The following RSPH9 variants were observed in gnomAD, a reference collection of about 807,000 sequenced individuals.
RSPH9 encodes radial spoke head protein 9 homolog.
Under a neutral mutation model 27.0 loss-of-function variants are expected in RSPH9, and 27 were observed. The observed-to-expected ratio is 1.00, with a 90% CI of 0.74 to 1.38. The LOEUF is 1.38. Ranked by LOEUF, RSPH9 falls within the 40% of genes most tolerant of loss-of-function variation. The pLI, the probability that RSPH9 is intolerant of heterozygous loss-of-function variation, is 0.00. For missense variants in RSPH9, 347 were observed against 357.4 expected, an observed-to-expected ratio of 0.97 and a Z score of 0.24; for synonymous variants, 145 against 147.7, an observed-to-expected ratio of 0.98 and a Z score of 0.13.
chr6:43,655,556 C>T lies in RSPH9; in HGVS notation c.394-6C>T. 5 of 1,614,142 alleles carry T rather than the reference C, an allele frequency of 3.1e-6. No individual in the cohort carries two copies. Among genetic ancestry groups the T allele is most frequent in the Non-Finnish European group, 4.2e-6 (5 of 1,180,022 alleles). On this transcript the variant is annotated splice_region_variant and splice_polypyrimidine_tract_variant and intron_variant, in intron 2 of 4. Transcript: ENST00000372163. ...TGGCAGGGGGGCTCCTCTCCTGTCT[C>T]CTCAGGTCCAGATCAAGGAAGAGAC...
rs111461969 is a variant in RSPH9, at chr6:43,645,591, T to TC, written c.227+271dup. ...AGGGCGGGGCAATGGACGGGCGATG[T>TC]CCCCCGGAGGGCGGGGCCTTGCGAG... On this transcript the variant is annotated intron_variant, in intron 1 of 4. Coordinates refer to ENST00000372163, the MANE Select transcript of RSPH9 (RefSeq NM_152732.5). Among the ~76,000 whole-genome samples, 8,769 of 151,894 alleles carry TC rather than the reference T, an allele frequency of 0.058. 389 individuals are homozygous for TC. The highest frequency in any genetic ancestry group is 0.12 in the African/African-American group (4,954 of 41,420).
chr6:43,671,738 G>T lies in RSPH9; in HGVS notation c.*789G>T. On this transcript the variant is annotated 3_prime_UTR_variant, in exon 5 of 5. Transcript: ENST00000372163. ...CTACTCCCCAGCACAGGTGCAGGAG[G>T]AACTCTGGAAGCACTGCTCTCTGTC... 1 of 1,614,000 alleles carries T rather than the reference G, an allele frequency of 6.2e-7. No individual in the cohort carries two copies. Among genetic ancestry groups the T allele is most frequent in the South Asian group, 1.1e-5 (1 of 91,062 alleles).
In RSPH9 at chr6:43,671,903, G is replaced by T. The variant is rs1211346883; in HGVS notation, c.*954G>T. The T allele has an allele frequency of 1.2e-6, 2 of 1,605,676 alleles. No individual in the cohort carries two copies. The highest frequency in any genetic ancestry group is 2.2e-5 in the South Asian group (2 of 89,840). ...CGGAGCCAGGAGCCCAGCGCGTCAG[G>T]TACCTGTGGAGGGAGAACAAAGAGG... On this transcript the variant is annotated 3_prime_UTR_variant, in exon 5 of 5. Coordinates refer to ENST00000372163, the MANE Select transcript of RSPH9 (RefSeq NM_152732.5).
At chr6:43,653,446 CAAAA>C (rs79873267) in intron 2 of RSPH9, among the ~76,000 whole-genome samples, 3 of 75,462 alleles carry the variant, frequency 4.0e-5, no homozygotes, top group African/African-American at 4.4e-5. Flanking sequence ...GACTCCGTCT[CAAAA>C]AAAAAAAAAA....
intron 4 of RSPH9, among the ~76,000 whole-genome samples, chr6:43,661,174 G>A (rs778112044): frequency 6.6e-6 from 1 of 152,146 alleles, no homozygotes; most frequent in Non-Finnish European, 1.5e-5. Flanking sequence ...TGTCATCCAG[G>A]GTTTGTTGTT....
intron 4 of RSPH9, among the ~76,000 whole-genome samples, chr6:43,656,973 G>A (rs546149961): frequency 6.6e-6 from 1 of 152,306 alleles, no homozygotes; most frequent in South Asian, 2.1e-4. Flanking sequence ...AATGTCTCTT[G>A]ATTTTTGTAG....
rs1344751790 is a variant in RSPH9, at chr6:43,654,697, C to G, written c.394-865C>G. On this transcript the variant is annotated intron_variant, in intron 2 of 4. Transcript: ENST00000372163. ...AATTAGCTGGGTGCAGTGATGCACG[C>G]CTGTAGTCCCAGCTACTCAGGAGGC... Among the ~76,000 whole-genome samples, 4 of 152,282 alleles carry G rather than the reference C, an allele frequency of 2.6e-5. No homozygotes were observed. The East Asian group carries it at 7.7e-4, about 29-fold the overall frequency.
At chr6:43,661,295 C>G (rs1772583330) in intron 4 of RSPH9, among the ~76,000 whole-genome samples, 1 of 152,152 alleles carries the variant, frequency 6.6e-6, no homozygotes, top group Non-Finnish European at 1.5e-5. Flanking sequence ...GCTGTATGAG[C>G]CCCTAACAAG....
chr6:43,667,614 G>C (rs904030880), intron 4 of RSPH9, among the ~76,000 whole-genome samples: 1 of 152,202 alleles, frequency 6.6e-6, no homozygotes. Context: ...CAAGTGTTCA[G>C]CCTTCTGGGC....
intron 4 of RSPH9, among the ~76,000 whole-genome samples, chr6:43,657,633 G>C (rs898549530): frequency 3.9e-5 from 6 of 152,200 alleles, no homozygotes; most frequent in African/African-American, 1.2e-4. Context: ...AGCAGCAAGC[G>C]ACCCAACTGG....
At chr6:43,650,801 G>A (rs1310536842) in intron 2 of RSPH9, among the ~76,000 whole-genome samples, 1 of 151,812 alleles carries the variant, frequency 6.6e-6, no homozygotes, top group Admixed American at 6.6e-5. Flanking sequence ...AGCTACTCGG[G>A]AGGCTGAGGC....
At position 43,671,827 on chromosome 6, in the gene RSPH9, C is replaced by A. The variant is rs368981865; in HGVS notation, c.*878C>A. The A allele has an allele frequency of 6.2e-7, 1 of 1,614,060 alleles. No individual in the cohort carries two copies. Among genetic ancestry groups the A allele is most frequent in the Non-Finnish European group, 8.5e-7 (1 of 1,180,034 alleles). On this transcript the variant is annotated 3_prime_UTR_variant, in exon 5 of 5. Coordinates refer to ENST00000372163, the MANE Select transcript of RSPH9 (RefSeq NM_152732.5). ...TTGTCCCTCAGAAGGGGTGACCCCA[C>A]GGGCATGCGCACCCTGTTCCAGCGG...
At chr6:43,667,437 C>T (rs1444390999) in intron 4 of RSPH9, among the ~76,000 whole-genome samples, 1 of 152,250 alleles carries the variant, frequency 6.6e-6, no homozygotes, top group African/African-American at 2.4e-5. Flanking sequence ...GCCTGCCTAC[C>T]TGGAAAGCAG....
intron 4 of RSPH9, chr6:43,666,398 C>CAGTT: frequency 6.6e-7 from 1 of 1,520,882 alleles, no homozygotes; most frequent in Non-Finnish European, 8.9e-7. Flanking sequence ...GTTTTCTGGC[C>CAGTT]AGTTAGGATA....
chr6:43,656,670 A>G lies in RSPH9; in HGVS notation c.617A>G (p.Asp206Gly). 1 of 1,614,166 alleles carries G rather than the reference A, an allele frequency of 6.2e-7. No homozygotes were observed. Among genetic ancestry groups the G allele is most frequent in the Non-Finnish European group, 8.5e-7 (1 of 1,180,014 alleles). ...LKNKTLLEKA[D>G]LDPSLDFMDS... ...AATAAGACCTTGCTTGAGAAGGCTG[A>G]CCTGGACCCCTCCCTGGATTTCATG... The change falls in exon 4 of 5, where the codon GAC becomes GGC. Residue 206 changes from aspartate (D) to glycine (G), a missense_variant. By Grantham distance (94) the Asp-to-Gly change is moderately conservative. Coordinates refer to ENST00000372163, the MANE Select transcript of RSPH9 (RefSeq NM_152732.5).
chr6:43,667,155 TAAGAAA>T (rs1366062411), intron 4 of RSPH9, among the ~76,000 whole-genome samples: 2 of 152,106 alleles, frequency 1.3e-5, no homozygotes, highest in African/African-American at 4.8e-5. Flanking sequence ...GCCCTTGGAA[TAAGAAA>T]AACACCTCCC....
In RSPH9 at chr6:43,671,602, G is replaced by A; in HGVS notation, c.*653G>A. ...AGCATTGCTACTGTGCAGGCCAAGG[G>A]TACTGAAGTTAGTCCCACTGTCCCC... On this transcript the variant is annotated 3_prime_UTR_variant, in exon 5 of 5. Coordinates refer to ENST00000372163, the MANE Select transcript of RSPH9 (RefSeq NM_152732.5). 1 of 802,762 alleles carries A rather than the reference G, an allele frequency of 1.2e-6. No homozygotes were observed. Among genetic ancestry groups the A allele is most frequent in the East Asian group, 2.6e-5 (1 of 38,152 alleles). 49.7% of individuals were successfully genotyped at this position (802,762 alleles called of 1,614,324 possible).
At chr6:43,669,716 A>G (rs1164878440) in intron 4 of RSPH9, among the ~76,000 whole-genome samples, 1 of 152,238 alleles carries the variant, frequency 6.6e-6, no homozygotes, top group Admixed American at 6.5e-5. Context: ...GAAGCCCCAG[A>G]TCTGCATCCA....
chr6:43,656,174 C>T (rs1438808579), intron 3 of RSPH9, among the ~76,000 whole-genome samples: 1 of 151,886 alleles, frequency 6.6e-6, no homozygotes, highest in Non-Finnish European at 1.5e-5. Context: ...CAACCCCTGC[C>T]TCCTGGGTTC....
Sources: gnomAD v4.1 joint callset for allele counts (sites outside exome capture counted in the v4.1 genomes callset) on GRCh38, gnomAD v4.1.1 for gene constraint, MANE v1.5 for transcripts, NCBI Gene and HGNC (gene_info 2026-07-23, HGNC 2026-07-21) for gene names.